Variants in MAL2 observed in about 807,000 individuals in gnomAD.
MAL2 encodes protein MAL2.
Under a neutral mutation model 18.1 loss-of-function variants are expected in MAL2, and 17 were observed. The observed-to-expected ratio is 0.94, with a 90% confidence interval of 0.64 to 1.41. The LOEUF is 1.41. Among genes scored for constraint, MAL2 ranks in the 40% most tolerant of loss-of-function variants. MAL2 has a pLI of 0.00. For missense variants in MAL2, 222 were observed against 231.9 expected, an observed-to-expected ratio of 0.96 and a Z score of 0.28; for synonymous variants, 102 against 102.3, an observed-to-expected ratio of 1.00 and a Z score of 0.02.
At chr8:119,225,876 G>A (rs1242896380) in intron 2 of MAL2, among the ~76,000 whole-genome samples, 1 of 152,142 alleles carries the variant, frequency 6.6e-6, no homozygotes, top group Non-Finnish European at 1.5e-5. Flanking sequence ...GTCAGTGATG[G>A]TGAGCATTTT....
At chr8:119,230,048 C>T (rs1817684153) in intron 2 of MAL2, among the ~76,000 whole-genome samples, 1 of 152,156 alleles carries the variant, frequency 6.6e-6, no homozygotes, top group African/African-American at 2.4e-5. Context: ...TGGAACCCAA[C>T]CCAAAATAAG....
intron 1 of MAL2, among the ~76,000 whole-genome samples, chr8:119,220,231 G>C (rs962270772): frequency 6.6e-6 from 1 of 152,180 alleles, no homozygotes; most frequent in African/African-American, 2.4e-5. Context: ...TTCCTTATCT[G>C]TCCTTTTTCT....
intron 1 of MAL2, among the ~76,000 whole-genome samples, chr8:119,220,318 C>G (rs1364025019): frequency 6.6e-6 from 1 of 152,192 alleles, no homozygotes; most frequent in Non-Finnish European, 1.5e-5. Flanking sequence ...ATTCCTTTCT[C>G]TCTGTCCTCA....
At chr8:119,232,637 C>A (rs918916203) in intron 2 of MAL2, among the ~76,000 whole-genome samples, 3 of 151,966 alleles carry the variant, frequency 2.0e-5, no homozygotes, top group African/African-American at 4.8e-5. Flanking sequence ...TTCTATTAGT[C>A]TTCTGTATCT....
chr8:119,224,225 C>G (rs1184247446), intron 2 of MAL2: 1 of 152,024 alleles, frequency 6.6e-6, no homozygotes, highest in Non-Finnish European at 1.5e-5. Flanking sequence ...TATCTAATAA[C>G]AGATATAAAG....
intron 1 of MAL2, among the ~76,000 whole-genome samples, chr8:119,211,431 A>G (rs1164986197): frequency 2.0e-5 from 3 of 152,150 alleles, no homozygotes; most frequent in African/African-American, 7.2e-5. Flanking sequence ...ATTGTACCTG[A>G]CAAAGGAGGA....
chr8:119,234,371 A>T (rs1043576808), intron 2 of MAL2, among the ~76,000 whole-genome samples: 1 of 152,160 alleles, frequency 6.6e-6, no homozygotes, highest in African/African-American at 2.4e-5. Flanking sequence ...AGGCGGCAAC[A>T]AGGCTGGGGG....
intron 2 of MAL2, among the ~76,000 whole-genome samples, chr8:119,232,351 AG>A (rs1243939246): frequency 6.6e-6 from 1 of 152,186 alleles, no homozygotes; most frequent in Non-Finnish European, 1.5e-5. Flanking sequence ...CTGAAAAGAA[AG>A]AAGAAATTCT....
At chr8:119,211,246 G>A (rs1328286167) in intron 1 of MAL2, among the ~76,000 whole-genome samples, 7 of 152,102 alleles carry the variant, frequency 4.6e-5, no homozygotes, top group African/African-American at 1.7e-4. Flanking sequence ...GAATTTCCCA[G>A]GCACTGTCCT....
At chr8:119,221,804 C>T (rs1247678729) in intron 2 of MAL2, 47 bp downstream of exon 2, 1 of 1,587,436 alleles carries the variant, frequency 6.3e-7, no homozygotes, top group Non-Finnish European at 8.6e-7. Flanking sequence ...TGGGAGAAAC[C>T]TGTATCCTAT....
intron 1 of MAL2, among the ~76,000 whole-genome samples, chr8:119,216,139 TG>T (rs1205314464): frequency 1.3e-5 from 2 of 151,910 alleles, no homozygotes; most frequent in Non-Finnish European, 2.9e-5. Flanking sequence ...AACTTCTGGG[TG>T]GGGGGGCCAC....
intron 1 of MAL2, among the ~76,000 whole-genome samples, chr8:119,214,429 A>G (rs1817312922): frequency 6.6e-6 from 1 of 152,190 alleles, no homozygotes; most frequent in South Asian, 2.1e-4. Flanking sequence ...CAACTTCTGT[A>G]TAATAGCTAT....
chr8:119,237,811 G>A (rs1411289470), intron 2 of MAL2, among the ~76,000 whole-genome samples: 3 of 151,952 alleles, frequency 2.0e-5, no homozygotes, highest in Non-Finnish European at 4.4e-5. Context: ...AGCTATCTAT[G>A]ACAAACCCAC....
At chr8:119,231,620 C>G (rs1817730900) in intron 2 of MAL2, among the ~76,000 whole-genome samples, 1 of 152,142 alleles carries the variant, frequency 6.6e-6, no homozygotes, top group Non-Finnish European at 1.5e-5. Flanking sequence ...GAAATGACAT[C>G]AGTGAGATAT....
At chr8:119,219,819 C>T (rs771310669) in intron 1 of MAL2, among the ~76,000 whole-genome samples, 10 of 151,758 alleles carry the variant, frequency 6.6e-5, no homozygotes, top group Non-Finnish European at 1.5e-4. Context: ...TAACAAAGCC[C>T]AGTAGGGAGG....
At chr8:119,234,971 C>A (rs531289257) in intron 2 of MAL2, among the ~76,000 whole-genome samples, 2 of 152,066 alleles carry the variant, frequency 1.3e-5, no homozygotes, top group Admixed American at 1.3e-4. Flanking sequence ...ATGACTTTGA[C>A]GAGCTGAGAG....
intron 2 of MAL2, among the ~76,000 whole-genome samples, chr8:119,234,440 A>G (rs1408355254): frequency 6.6e-6 from 1 of 152,348 alleles, no homozygotes; most frequent in East Asian, 1.9e-4. Flanking sequence ...GGAAGCTCGA[A>G]CTGGGTGGAG....
chr8:119,216,355 A>G (rs1417558729), intron 1 of MAL2, among the ~76,000 whole-genome samples: 1 of 152,200 alleles, frequency 6.6e-6, no homozygotes, highest in African/African-American at 2.4e-5. Flanking sequence ...GCCAAGTTCA[A>G]ATTTCAGGTC....
intron 2 of MAL2, among the ~76,000 whole-genome samples, chr8:119,235,202 G>A (rs1488958490): frequency 6.6e-6 from 1 of 152,114 alleles, no homozygotes; most frequent in East Asian, 1.9e-4. Context: ...TGGAAGAAAG[G>A]GTATCAGCAA....
Sources: allele counts gnomAD v4.1 joint callset (sites outside exome capture counted in the v4.1 genomes callset), GRCh38; gene constraint gnomAD v4.1.1; transcripts MANE v1.5; gene names NCBI Gene and HGNC (gene_info 2026-07-23, HGNC 2026-07-21).